Variants in GFRA1 observed in about 807,000 individuals in gnomAD.
GFRA1 encodes GDNF family receptor alpha 1, also known as GDNF family receptor alpha-1.
GFRA1 carries 16 observed loss-of-function variants against 51.6 expected under a neutral mutation model. That is an observed-to-expected ratio of 0.31 (90% CI 0.21 to 0.47). The LOEUF (loss-of-function observed/expected upper bound fraction) is 0.47. GFRA1 is among the 20% of genes least tolerant of loss of function. The probability of loss-of-function intolerance (pLI) is 1.00; values close to 1 mark genes in which losing one functional copy is unlikely to be tolerated. For missense variants in GFRA1, 530 were observed against 594.3 expected, an observed-to-expected ratio of 0.89 and a Z score of 1.13; for synonymous variants, 270 against 241.3, an observed-to-expected ratio of 1.12 and a Z score of -1.10.
intron 5 of GFRA1, among the ~76,000 whole-genome samples, chr10:116,155,587 C>T (rs1482548583): frequency 6.6e-6 from 1 of 152,148 alleles, no homozygotes; most frequent in Non-Finnish European, 1.5e-5. Flanking sequence ...CAAAATTCAC[C>T]AATTTTTCCG....
chr10:116,092,327 A>C (rs905297350), intron 8 of GFRA1, among the ~76,000 whole-genome samples: 2 of 152,202 alleles, frequency 1.3e-5, no homozygotes, highest in Non-Finnish European at 2.9e-5. Context: ...AGTGTCTGGT[A>C]AGCAAATGAC....
intron 9 of GFRA1, among the ~76,000 whole-genome samples, chr10:116,067,848 T>G (rs1955185312): frequency 6.6e-6 from 1 of 152,220 alleles, no homozygotes; most frequent in Admixed American, 6.5e-5. Flanking sequence ...GTCTTCTACC[T>G]GGAAATGGCA....
intron 9 of GFRA1, among the ~76,000 whole-genome samples, chr10:116,067,299 G>A (rs914928889): frequency 3.3e-5 from 5 of 152,144 alleles, no homozygotes; most frequent in African/African-American, 1.2e-4. Flanking sequence ...TACCAAAATG[G>A]CCCTAAAACA....
intron 9 of GFRA1, among the ~76,000 whole-genome samples, chr10:116,078,401 G>C (rs1955706345): frequency 1.3e-5 from 2 of 152,192 alleles, no homozygotes; most frequent in South Asian, 4.1e-4. Context: ...CCAAGAAGAT[G>C]AAGTCCAAGG....
intron 5 of GFRA1, among the ~76,000 whole-genome samples, chr10:116,183,797 T>A (rs1962453514): frequency 6.6e-6 from 1 of 152,216 alleles, no homozygotes; most frequent in African/African-American, 2.4e-5. Flanking sequence ...TCTGCCCACT[T>A]ACTGATCCCA....
intron 4 of GFRA1, among the ~76,000 whole-genome samples, chr10:116,231,215 C>T (rs1481562661): frequency 1.3e-5 from 2 of 152,150 alleles, no homozygotes; most frequent in African/African-American, 2.4e-5. Flanking sequence ...AGACGACCAA[C>T]CAGGCACAAG....
At chr10:116,069,357 ACAC>A (rs996970492) in intron 9 of GFRA1, among the ~76,000 whole-genome samples, 11 of 152,264 alleles carry the variant, frequency 7.2e-5, no homozygotes, top group African/African-American at 2.6e-4. Context: ...GTTGGGGGAA[ACAC>A]CACCACTGAA....
intron 9 of GFRA1, among the ~76,000 whole-genome samples, chr10:116,068,268 G>A (rs979943645): frequency 1.2e-4 from 19 of 152,232 alleles, no homozygotes; most frequent in Non-Finnish European, 1.5e-4. Flanking sequence ...CCTACAGAGC[G>A]GTCTGGGTGC....
rs1954608099 is a variant in GFRA1 at position 116,057,736 on chromosome 10, T to G, written c.*6662A>C. 1 of 149,498 alleles carries G rather than the reference T, an allele frequency of 6.7e-6. No individual in the cohort carries two copies. The highest frequency in any genetic ancestry group is 1.5e-5 in the Non-Finnish European group (1 of 67,228). 9.3% of individuals were successfully genotyped at this position (149,498 alleles called of 1,614,324 possible). ...CCTGGATTCAGGTTTCTGAAACTGT[T>G]TTTTTTTTTTCAACCCTCGGAGGAC... On this transcript the variant is annotated 3_prime_UTR_variant, in exon 11 of 11. Coordinates refer to ENST00000355422, the MANE Select transcript of GFRA1 (RefSeq NM_005264.8).
intron 4 of GFRA1, among the ~76,000 whole-genome samples, chr10:116,253,105 T>C (rs1384452070): frequency 6.6e-6 from 1 of 152,234 alleles, no homozygotes; most frequent in African/African-American, 2.4e-5. Context: ...CGCAGCTGGA[T>C]GGACCTATTC....
chr10:116,079,635 G>A lies in GFRA1; in HGVS notation c.1197+10106C>T, dbSNP rs532409223. On this transcript the variant is annotated intron_variant, in intron 9 of 10. Transcript: ENST00000355422. ...GGAAAGGTGCTACTGGTATCCGGAC[G>A]GTAGAGGCCAGGGACGCTGCTAAAT... Among the ~76,000 whole-genome samples the A allele has an allele frequency of 9.2e-5, 14 of 152,188 alleles. No individual in the cohort carries two copies. The South Asian group carries it at 1.2e-3, about 14-fold the overall frequency.
At chr10:116,260,151 C>T (rs1969192844) in intron 4 of GFRA1, among the ~76,000 whole-genome samples, 2 of 152,304 alleles carry the variant, frequency 1.3e-5, no homozygotes, top group South Asian at 4.1e-4. Flanking sequence ...GTGGATGGGG[C>T]GGACCCTTGG....
chr10:116,271,195 C>T, intron 2 of GFRA1, 80 bp from the exon 3 acceptor site: 1 of 1,294,028 alleles, frequency 7.7e-7, no homozygotes, highest in Non-Finnish European at 1.1e-6. Context: ...GGCGCGCGCC[C>T]GGGTCAGGGA....
chr10:116,213,225 A>T (rs1965331594), intron 4 of GFRA1, among the ~76,000 whole-genome samples: 1 of 152,238 alleles, frequency 6.6e-6, no homozygotes, highest in Non-Finnish European at 1.5e-5. Context: ...TCATCATAGC[A>T]TTGTTTATAC....
At chr10:116,144,824 A>G (rs1262892244) in intron 5 of GFRA1, among the ~76,000 whole-genome samples, 2 of 152,158 alleles carry the variant, frequency 1.3e-5, no homozygotes, top group African/African-American at 4.8e-5. Context: ...TCCACACCAT[A>G]AAGAAAAGAC....
chr10:116,228,052 A>C (rs1394357363), intron 4 of GFRA1, among the ~76,000 whole-genome samples: 5 of 152,212 alleles, frequency 3.3e-5, no homozygotes, highest in Non-Finnish European at 1.5e-5. Context: ...AGTTGTTACA[A>C]AATGTACCTG....
At chr10:116,246,467 G>A (rs988685577) in intron 4 of GFRA1, among the ~76,000 whole-genome samples, 5 of 152,056 alleles carry the variant, frequency 3.3e-5, no homozygotes, top group Non-Finnish European at 7.4e-5. Flanking sequence ...GGGTCAGACA[G>A]TATATGAGAA....
At chr10:116,203,894 T>C (rs1277896654) in intron 5 of GFRA1, among the ~76,000 whole-genome samples, 2 of 152,192 alleles carry the variant, frequency 1.3e-5, no homozygotes, top group African/African-American at 4.8e-5. Context: ...TGCCTTTGCA[T>C]AGAAACAAGA....
At chr10:116,101,829 C>A (rs1956827959) in intron 6 of GFRA1, among the ~76,000 whole-genome samples, 1 of 152,160 alleles carries the variant, frequency 6.6e-6, no homozygotes, top group South Asian at 2.1e-4. Context: ...GATCCAGGCT[C>A]CGACTCATGA....
Sources: allele counts gnomAD v4.1 joint callset (sites outside exome capture counted in the v4.1 genomes callset), GRCh38; gene constraint gnomAD v4.1.1; transcripts MANE v1.5; gene names NCBI Gene and HGNC (gene_info 2026-07-23, HGNC 2026-07-21).